Variants in GRIN2D observed in about 807,000 individuals in gnomAD.
The protein encoded by GRIN2D is glutamate ionotropic receptor NMDA type subunit 2D, also known as glutamate receptor ionotropic, NMDA 2D.
A neutral mutation model predicts 103.2 loss-of-function variants in GRIN2D; 37 were observed. That is an observed-to-expected ratio of 0.36 (90% CI 0.28 to 0.47). The LOEUF is 0.47. Among genes scored for constraint, GRIN2D ranks in the 20% least tolerant of loss-of-function variants. The probability of loss-of-function intolerance (pLI) is 1.00; values close to 1 mark genes in which losing one functional copy is unlikely to be tolerated. For missense variants in GRIN2D, 1,557 were observed against 1,910.6 expected, an observed-to-expected ratio of 0.81 and a Z score of 3.45; for synonymous variants, 845 against 885.6, an observed-to-expected ratio of 0.95 and a Z score of 0.81.
chr19:48,426,474 C>T (rs2147462053), intron 11 of GRIN2D, among the ~76,000 whole-genome samples: 1 of 152,088 alleles, frequency 6.6e-6, no homozygotes, highest in East Asian at 1.9e-4. Flanking sequence ...GATCCAACCG[C>T]CTTGGCCTCC....
intron 11 of GRIN2D, among the ~76,000 whole-genome samples, chr19:48,422,472 G>A (rs1246170262): frequency 1.3e-5 from 2 of 152,072 alleles, no homozygotes; most frequent in Non-Finnish European, 2.9e-5. Flanking sequence ...TTAGCTGGGC[G>A]TGGTGGCACG....
At chr19:48,428,490 G>A (rs1406247875) in intron 11 of GRIN2D, among the ~76,000 whole-genome samples, 1 of 151,560 alleles carries the variant, frequency 6.6e-6, no homozygotes, top group Non-Finnish European at 1.5e-5. Flanking sequence ...CCTCCCTCCT[G>A]TAGCTGAGAT....
chr19:48,398,566 G>C lies in GRIN2D; in HGVS notation c.174G>C (p.Ser58=), dbSNP rs1268465914. ...CGCTCAACGTGGCGCTCGTGTTCTC[G>C]GGGCCCGCGTACGCGGCCGAGGCGG... ...ARPLNVALVF[S]GPAYAAEAAR... Residue 58 remains serine (S), a synonymous_variant, in exon 3 of 14, where the codon TCG becomes TCC. Coordinates refer to ENST00000263269, the MANE Select transcript of GRIN2D (RefSeq NM_000836.4). 1.1e-5 allele frequency: 13 copies of C among 1,178,224 alleles called. No individual in the cohort carries two copies. Among genetic ancestry groups the C allele is most frequent in the Non-Finnish European group, 1.3e-5 (12 of 954,342 alleles). The allele number at this position is 1,178,224 out of a possible 1,614,324, so 73.0% of individuals were successfully genotyped here.
At chr19:48,409,713 T>C (rs990011240) in intron 4 of GRIN2D, among the ~76,000 whole-genome samples, 4 of 152,082 alleles carry the variant, frequency 2.6e-5, no homozygotes, top group African/African-American at 9.7e-5. Context: ...GAGTAGCGGA[T>C]GGAGAGGGTT....
At chr19:48,413,370 C>T (rs1970899882) in intron 4 of GRIN2D, among the ~76,000 whole-genome samples, 1 of 151,392 alleles carries the variant, frequency 6.6e-6, no homozygotes, top group African/African-American at 2.4e-5. Context: ...ATCCCAGCTA[C>T]TCAGGAGGCT....
At chr19:48,407,253 G>A (rs1402216597) in intron 4 of GRIN2D, among the ~76,000 whole-genome samples, 1 of 151,872 alleles carries the variant, frequency 6.6e-6, no homozygotes, top group African/African-American at 2.4e-5. Context: ...GATTCCAGCC[G>A]TGAGCCACCG....
intron 4 of GRIN2D, among the ~76,000 whole-genome samples, chr19:48,406,648 T>G (rs1489145977): frequency 6.6e-6 from 1 of 152,212 alleles, no homozygotes; most frequent in African/African-American, 2.4e-5. Flanking sequence ...GGAACATAGA[T>G]GAATAAGACC....
At chr19:48,427,896 T>C (rs1356164089) in intron 11 of GRIN2D, among the ~76,000 whole-genome samples, 1 of 152,194 alleles carries the variant, frequency 6.6e-6, no homozygotes, top group African/African-American at 2.4e-5. Flanking sequence ...TTTTGATTCA[T>C]AGTCCTGGAG....
At chr19:48,401,696 G>C (rs896622226) in intron 3 of GRIN2D, among the ~76,000 whole-genome samples, 1 of 152,258 alleles carries the variant, frequency 6.6e-6, no homozygotes, top group Non-Finnish European at 1.5e-5. Context: ...CTTTGATTCT[G>C]AGGTAGAATC....
In GRIN2D at chr19:48,398,509, T is replaced by G. The variant is rs1970669990; in HGVS notation, c.117T>G (p.Gly39=). The G allele has an allele frequency of 9.9e-7, 1 of 1,010,612 alleles. No homozygotes were observed. Among genetic ancestry groups the G allele is most frequent in the Non-Finnish European group, 1.2e-6 (1 of 849,052 alleles). The allele number at this position is 1,010,612 out of a possible 1,614,324, so 62.6% of individuals were successfully genotyped here. The change falls in exon 3 of 14, where the codon GGT becomes GGG. Residue 39 remains glycine (G), a synonymous_variant. Coordinates refer to ENST00000263269, the MANE Select transcript of GRIN2D (RefSeq NM_000836.4). ...PEEAPGPGGA[G]GPGGGLGGAR... ...AGGCGCCGGGGCCGGGCGGGGCCGGTGGGCCCGGCGGCGGCCTCGGCGGGG... is the reference window on the plus strand; with the variant it reads ...AGGCGCCGGGGCCGGGCGGGGCCGGGGGGCCCGGCGGCGGCCTCGGCGGGG...
intron 10 of GRIN2D, 50 bp downstream of exon 10, chr19:48,419,864 C>A: frequency 8.1e-7 from 1 of 1,235,034 alleles, no homozygotes; most frequent in South Asian, 1.3e-5. Flanking sequence ...GGCTGGAGGT[C>A]ACAGAGCTTG....
Position 48,393,896 on chromosome 19 carries a change from G to C in GRIN2D, c.-306+28G>C, listed in dbSNP as rs1212117332. On this transcript the variant is annotated intron_variant, in intron 1 of 13. Coordinates refer to ENST00000263269, the MANE Select transcript of GRIN2D (RefSeq NM_000836.4). This position sits in a 1 kb window ranked among gnomAD's most constrained non-coding sequence, Gnocchi z 5.6. ...GAGGATCTGTGTGTCCGGGTGTCTG[G>C]GGCTGGCTGGTGGAGGGGGGGTGTG... 6.6e-6 allele frequency among the ~76,000 whole-genome samples: 1 copy of C among 152,036 alleles called. No individual in the cohort carries two copies. The highest frequency in any genetic ancestry group is 2.4e-5 in the African/African-American group (1 of 41,374).
chr19:48,431,084 C>T (rs1226682737), intron 11 of GRIN2D, among the ~76,000 whole-genome samples: 1 of 151,870 alleles, frequency 6.6e-6, no homozygotes, highest in Non-Finnish European at 1.5e-5. Context: ...CTCCCAAGTG[C>T]TGGGATTACA....
Position 48,442,877 on chromosome 19 carries a change from C to T in GRIN2D, c.2951C>T (p.Pro984Leu), listed in dbSNP as rs1600997666. 1 of 1,090,980 alleles carries T rather than the reference C, an allele frequency of 9.2e-7. No homozygotes were observed. Among genetic ancestry groups the T allele is most frequent in the Non-Finnish European group, 1.1e-6 (1 of 901,278 alleles). 67.6% of individuals were successfully genotyped at this position (1,090,980 alleles called of 1,614,324 possible). A position where few individuals can be genotyped will look rare whatever the true frequency, so the allele number is the denominator to read the frequency against. Reference protein sequence around the residue: ...GLGLGEARAAPRGAAGRPLSP... With the variant: ...GLGLGEARAALRGAAGRPLSP... ...GGCCTGGGCGAAGCGCGCGCGGCACCGCGGGGCGCAGCCGGGCGCCCGCTG... is the reference window on the plus strand; with the variant it reads ...GGCCTGGGCGAAGCGCGCGCGGCACTGCGGGGCGCAGCCGGGCGCCCGCTG... The change falls in exon 14 of 14, where the codon CCG (proline) becomes CTG (leucine). Residue 984 changes from proline to leucine, a missense_variant. Pro to Leu is a moderately conservative substitution (Grantham distance 98). Transcript: ENST00000263269. This position sits in a 1 kb window ranked among gnomAD's most constrained non-coding sequence, Gnocchi z 7.2.
In GRIN2D at chr19:48,443,958, C is replaced by CA; in HGVS notation, c.*21_*22insA. ...TATGACGCGGCCCCGGGGGCCCCACCGCCCCCTTGGTCAGCGCAGGCCACG... is the reference window on the plus strand; with the variant it reads ...TATGACGCGGCCCCGGGGGCCCCACCAGCCCCCTTGGTCAGCGCAGGCCACG... On this transcript the variant is annotated 3_prime_UTR_variant, in exon 14 of 14. Transcript: ENST00000263269. This position sits in a 1 kb window ranked among gnomAD's most constrained non-coding sequence, Gnocchi z 8.9. The CA allele has an allele frequency of 7.3e-7, 1 of 1,371,730 alleles. No homozygotes were observed. Among genetic ancestry groups the CA allele is most frequent in the Non-Finnish European group, 9.4e-7 (1 of 1,059,926 alleles). 85.0% of individuals were successfully genotyped at this position (1,371,730 alleles called of 1,614,324 possible). A position where few individuals can be genotyped will look rare whatever the true frequency, so the allele number is the denominator to read the frequency against.
intron 11 of GRIN2D, among the ~76,000 whole-genome samples, chr19:48,431,499 C>G (rs1441514723): frequency 6.6e-6 from 1 of 151,968 alleles, no homozygotes; most frequent in Non-Finnish European, 1.5e-5. Context: ...CATTCTGATT[C>G]CTATGCCTTT....
At position 48,443,415 on chromosome 19, in the gene GRIN2D, C is replaced by T; in HGVS notation, c.3489C>T (p.Ala1163=). ...WSVDKLGGWR[A]GSWDYLPPRS... ...TCGACAAGCTCGGGGGCTGGCGCGC[C>T]GGGAGCTGGGACTACCTGCCCCCGC... Residue 1163 remains alanine, a synonymous_variant, in exon 14 of 14, where the codon GCC becomes GCT. Transcript: ENST00000263269. The surrounding 1 kb of genome is among the most constrained non-coding windows in gnomAD (Gnocchi z 8.9). 1.4e-6 allele frequency: 2 copies of T among 1,405,950 alleles called. No individual in the cohort carries two copies. Among genetic ancestry groups the T allele is most frequent in the Middle Eastern group, 2.1e-4 (1 of 4,658 alleles). The allele number at this position is 1,405,950 out of a possible 1,614,324, so 87.1% of individuals were successfully genotyped here. A position where few individuals can be genotyped will look rare whatever the true frequency, so the allele number is the denominator to read the frequency against.
chr19:48,394,115 GTCC>G lies in GRIN2D; in HGVS notation c.-306+252_-306+254del, dbSNP rs973582399. Among the ~76,000 whole-genome samples, 19 of 152,152 alleles carry G rather than the reference GTCC, an allele frequency of 1.2e-4. No homozygotes were observed. Among genetic ancestry groups the G allele is most frequent in the African/African-American group, 4.1e-4 (17 of 41,512 alleles). On this transcript the variant is annotated intron_variant, in intron 1 of 13. Transcript: ENST00000263269. The surrounding 1 kb of genome is among the most constrained non-coding windows in gnomAD (Gnocchi z 5.1). ...CGTCTGGGCGTCCCCGGCTGCCTGT[GTCC>G]TCCTGTCTGTCCAAACAGCCCCTAT...
intron 11 of GRIN2D, among the ~76,000 whole-genome samples, chr19:48,434,962 T>G (rs188055645): frequency 6.6e-6 from 1 of 152,210 alleles, no homozygotes; most frequent in South Asian, 2.1e-4. Context: ...GTAATTTATT[T>G]CGTATATTGA....
Sources: gnomAD v4.1 joint callset for allele counts (sites outside exome capture counted in the v4.1 genomes callset) on GRCh38, gnomAD v4.1.1 for gene constraint, Gnocchi (gnomAD v3.1) non-coding constraint, MANE v1.5 for transcripts, NCBI Gene and HGNC (gene_info 2026-07-23, HGNC 2026-07-21) for gene names.